Variants in STARD6 observed in about 807,000 individuals in gnomAD.
STARD6 encodes stAR-related lipid transfer protein 6.
STARD6 carries 21 observed loss-of-function variants against 22.3 expected under a neutral mutation model. The observed-to-expected ratio is 0.94, with a 90% CI of 0.67 to 1.35. The LOEUF (loss-of-function observed/expected upper bound fraction) is 1.35, where lower values mean the gene tolerates loss of function less well. Ranked by LOEUF, STARD6 falls within the 40% of genes most tolerant of loss-of-function variation. STARD6 has a pLI of 0.00. For synonymous variants in STARD6, 80 were observed against 88.1 expected (o/e 0.91, Z 0.52); for missense variants, 269 against 266.9 (o/e 1.01, Z -0.05).
chr18:54,330,366 C>T (rs1486818952), intron 6 of STARD6, among the ~76,000 whole-genome samples: 1 of 151,860 alleles, frequency 6.6e-6, no homozygotes, highest in Non-Finnish European at 1.5e-5. Context: ...TGCTTGTCTT[C>T]TTTAAAAAAA....
intron 4 of STARD6, 45 bp from the exon 5 acceptor site, chr18:54,337,296 G>A (rs750186000): frequency 1.3e-6 from 2 of 1,572,054 alleles, no homozygotes; most frequent in Non-Finnish European, 1.7e-6. Context: ...AAAAAGTTTA[G>A]TCTAAGCTGA....
chr18:54,354,412 A>G, intron 3 of STARD6, 72 bp downstream of exon 3: 4 of 1,366,234 alleles, frequency 2.9e-6, no homozygotes, highest in Non-Finnish European at 4.1e-6. Context: ...ATTTTTTTAA[A>G]AAAGTCTTTA....
At chr18:54,330,225 A>C (rs992381738) in intron 6 of STARD6, among the ~76,000 whole-genome samples, 12 of 152,196 alleles carry the variant, frequency 7.9e-5, no homozygotes, top group Non-Finnish European at 1.6e-4. Context: ...TAAAACACTA[A>C]GGAGACTAGA....
chr18:54,354,832 A>G (rs2089130232), intron 2 of STARD6, among the ~76,000 whole-genome samples: 1 of 152,206 alleles, frequency 6.6e-6, no homozygotes, highest in African/African-American at 2.4e-5. Flanking sequence ...TATTGTGTGA[A>G]GCATGTTACT....
intron 6 of STARD6, 126 bp downstream of exon 6, chr18:54,331,616 A>T: frequency 1.5e-6 from 1 of 688,300 alleles, no homozygotes; most frequent in South Asian, 2.1e-5. Context: ...CTAATTGTTG[A>T]TCCCACTAAG....
intron 4 of STARD6, among the ~76,000 whole-genome samples, chr18:54,349,649 C>CA (rs2089075391): frequency 6.6e-6 from 1 of 152,056 alleles, no homozygotes; most frequent in South Asian, 2.1e-4. Context: ...TTTATCCATC[C>CA]TCCTCCTCCC....
rs777788485 is a variant in STARD6 at position 54,324,825 on chromosome 18, CCT to C, written c.528_529del (p.Gly177LysfsTer8). On this transcript the variant is annotated frameshift_variant, in exon 8 of 8. Transcript: ENST00000307844. LOFTEE classifies it low-confidence loss of function (END_TRUNC). Reference sequence around the variant, plus strand: ...TTCAATTATTGATGGGGACAATTTTCCTCTCATTTCTGTCTGGACAAACATCA... The same window carrying C: ...TTCAATTATTGATGGGGACAATTTTCCTCATTTCTGTCTGGACAAACATCA... 2 of 1,603,116 alleles carry C rather than the reference CCT, an allele frequency of 1.2e-6. No homozygotes were observed. The highest frequency in any genetic ancestry group is 2.2e-5 in the South Asian group (2 of 89,100).
chr18:54,356,070 A>G (rs2089140552), intron 2 of STARD6, among the ~76,000 whole-genome samples: 1 of 152,236 alleles, frequency 6.6e-6, no homozygotes, highest in African/African-American at 2.4e-5. Context: ...TAGGTTATCA[A>G]AATAGTTAGT....
At chr18:54,354,299 G>A (rs1568175564) in intron 3 of STARD6, 185 bp downstream of exon 3, 1 of 645,484 alleles carries the variant, frequency 1.5e-6, no homozygotes, top group East Asian at 2.7e-5. Flanking sequence ...CACAATCATG[G>A]TGCATGACAG....
In STARD6 at chr18:54,337,244, C is replaced by T. The variant is rs1321001255; in HGVS notation, c.148G>A (p.Val50Ile). The T allele has an allele frequency of 6.2e-7, 1 of 1,612,210 alleles. No homozygotes were observed. The highest frequency in any genetic ancestry group is 1.1e-5 in the South Asian group (1 of 90,798). The change falls in exon 5 of 8, where the codon GTT (valine) becomes ATT (isoleucine). Residue 50 changes from valine (V) to isoleucine (I), a missense_variant. Val to Ile is a conservative substitution (Grantham distance 29). Transcript: ENST00000307844. ...GGTGATTCTGGAATTATCCCTTCAA[C>T]ACGATATCTACAGTTAACAAAATAA... The part of the protein sequence containing the change: ...SRKFHGNLYR[V>I]EGIIPESPAK...
intron 7 of STARD6, among the ~76,000 whole-genome samples, chr18:54,327,429 A>T (rs1017686310): frequency 6.6e-6 from 1 of 152,210 alleles, no homozygotes; most frequent in African/African-American, 2.4e-5. Flanking sequence ...TTAGAATAAA[A>T]TTATATGAGG....
intron 5 of STARD6, among the ~76,000 whole-genome samples, chr18:54,335,518 C>G (rs1026447232): frequency 6.6e-6 from 1 of 152,024 alleles, no homozygotes; most frequent in Non-Finnish European, 1.5e-5. Flanking sequence ...TTATCATGGC[C>G]TTAATACATA....
chr18:54,354,889 A>G (rs969240838), intron 2 of STARD6, among the ~76,000 whole-genome samples: 3 of 152,238 alleles, frequency 2.0e-5, no homozygotes, highest in Non-Finnish European at 1.5e-5. Context: ...TTAGGATAAT[A>G]TATGTCTTGT....
At chr18:54,349,944 T>A (rs182289269) in intron 4 of STARD6, among the ~76,000 whole-genome samples, 1 of 152,300 alleles carries the variant, frequency 6.6e-6, no homozygotes, top group African/African-American at 2.4e-5. Flanking sequence ...CCTATAAGCA[T>A]GTGTGTGCAT....
At chr18:54,356,488 A>G (rs1217167354) in intron 1 of STARD6, 44 bp from the exon 2 acceptor site, 1 of 152,210 alleles carries the variant, frequency 6.6e-6, no homozygotes, top group African/African-American at 2.4e-5. Flanking sequence ...TGATCCATGA[A>G]TTAGGTCAAT....
In STARD6 at chr18:54,354,677, C is replaced by T. The variant is rs190196056; in HGVS notation, c.-4-100G>A. On this transcript the variant is annotated intron_variant, in intron 2 of 7. Coordinates refer to ENST00000307844, the MANE Select transcript of STARD6 (RefSeq NM_139171.2). ...AATATTATTTCTATAATGCCTGTCACATAGAAATGAACATAATTACTTGAT... is the reference window on the plus strand; with the variant it reads ...AATATTATTTCTATAATGCCTGTCATATAGAAATGAACATAATTACTTGAT... 280 of 782,746 alleles carry T rather than the reference C, an allele frequency of 3.6e-4. 1 individual carries two copies. The African/African-American group carries it at 4.3e-3, about 12-fold the overall frequency. 48.5% of individuals were successfully genotyped at this position (782,746 alleles called of 1,614,324 possible).
chr18:54,348,947 C>G (rs1657873), intron 4 of STARD6, among the ~76,000 whole-genome samples: 9,948 of 151,748 alleles, frequency 0.066, 378 homozygotes, highest in African/African-American at 0.086. Flanking sequence ...ATTTGGTAGC[C>G]AATATAATAT....
chr18:54,334,899 T>C (rs534898687), intron 5 of STARD6, among the ~76,000 whole-genome samples: 3 of 152,320 alleles, frequency 2.0e-5, no homozygotes, highest in African/African-American at 7.2e-5. Context: ...TCTTCCCTTA[T>C]GTGTCCCTAG....
intron 7 of STARD6, among the ~76,000 whole-genome samples, chr18:54,328,070 G>A (rs188125439): frequency 2.0e-5 from 3 of 152,100 alleles, no homozygotes; most frequent in African/African-American, 7.2e-5. Flanking sequence ...TAGTCACTTA[G>A]TAGCCCTCTT....
Sources: allele counts gnomAD v4.1 joint callset (sites outside exome capture counted in the v4.1 genomes callset), GRCh38; gene constraint gnomAD v4.1.1; transcripts MANE v1.5; gene names NCBI Gene and HGNC (gene_info 2026-07-23, HGNC 2026-07-21).